The following KALRN variants were observed in gnomAD, a reference collection of about 807,000 sequenced individuals.
KALRN encodes kalirin.
In KALRN, 70 loss-of-function variants were observed where a neutral mutation model predicts 353.7. That is an observed-to-expected ratio of 0.20 (90% confidence interval 0.16 to 0.24). The LOEUF is 0.24. Among genes scored for constraint, KALRN ranks in the 10% least tolerant of loss-of-function variants. The probability of loss-of-function intolerance (pLI) is 1.00; values close to 1 mark genes in which losing one functional copy is unlikely to be tolerated. For synonymous variants in KALRN, 1,391 were observed against 1,434.8 expected, an observed-to-expected ratio of 0.97 and a Z score of 0.69; for missense variants, 2,791 against 3,756.7, an observed-to-expected ratio of 0.74 and a Z score of 6.72.
Position 124,674,541 on chromosome 3 carries a change from G to A in KALRN, c.7120G>A (p.Gly2374Ser). ...CAGCGACCATTCCCCCGCCGCCGAGGGCTGGGTCCCAGGCAGCATCCTGGC... is the reference window on the plus strand; with the variant it reads ...CAGCGACCATTCCCCCGCCGCCGAGAGCTGGGTCCCAGGCAGCATCCTGGC... ...PASDHSPAAE[G>S]WVPGSILAPL... is the part of the protein sequence containing the mutation. The change falls in exon 49 of 60, where the codon GGC becomes AGC. Residue 2374 changes from glycine to serine, a missense_variant. Physicochemically the swap from Gly to Ser is moderately conservative, Grantham distance 56 (BLOSUM62 0). Around this residue, in one of 11 missense-constraint regions of KALRN, gnomAD observed 1,065 missense variants for 1,156.4 expected, o/e 0.92. Transcript: ENST00000682506. 6.2e-7 allele frequency: 1 copy of A among 1,613,620 alleles called. No individual in the cohort carries two copies. Among genetic ancestry groups the A allele is most frequent in the Non-Finnish European group, 8.5e-7 (1 of 1,179,848 alleles).
intron 1 of KALRN, among the ~76,000 whole-genome samples, chr3:124,048,313 G>T (rs1322688292): frequency 6.6e-6 from 1 of 152,056 alleles, no homozygotes; most frequent in African/African-American, 2.4e-5. Context: ...CTTATGTTTA[G>T]ATAAATTCAA....
intron 37 of KALRN, among the ~76,000 whole-genome samples, chr3:124,638,044 A>T (rs1578545536): frequency 6.6e-6 from 1 of 152,176 alleles, no homozygotes; most frequent in South Asian, 2.1e-4. Context: ...TCACCACAGG[A>T]TGACAATTGG....
intron 1 of KALRN, among the ~76,000 whole-genome samples, chr3:124,157,339 C>T (rs945501204): frequency 2.4e-4 from 36 of 152,202 alleles, no homozygotes; most frequent in Non-Finnish European, 1.5e-4. Context: ...GGCTGCTTCT[C>T]ACTTCCAATT....
At chr3:124,451,832 C>A (rs1426436531) in intron 21 of KALRN, among the ~76,000 whole-genome samples, 1 of 152,158 alleles carries the variant, frequency 6.6e-6, no homozygotes, top group Admixed American at 6.5e-5. Context: ...AGTGGAAGAC[C>A]AGAATCTGTA....
chr3:124,624,165 G>A (rs918533255), intron 34 of KALRN, among the ~76,000 whole-genome samples: 1 of 152,190 alleles, frequency 6.6e-6, no homozygotes, highest in Non-Finnish European at 1.5e-5. Context: ...CCTTTGTCCA[G>A]CATCTCCATG....
intron 14 of KALRN, among the ~76,000 whole-genome samples, chr3:124,414,413 G>A (rs554319416): frequency 2.0e-5 from 3 of 152,274 alleles, no homozygotes; most frequent in Admixed American, 6.5e-5. Flanking sequence ...TCCGGTTCCT[G>A]TTTCTCAGTC....
At chr3:124,078,540 C>T (rs1013074875) in intron 1 of KALRN, among the ~76,000 whole-genome samples, 23 of 151,896 alleles carry the variant, frequency 1.5e-4, no homozygotes, top group African/African-American at 5.1e-4. Flanking sequence ...AGGGCAGGTA[C>T]AGGGCTGTGG....
chr3:124,614,557 G>T (rs1241127909), intron 34 of KALRN, among the ~76,000 whole-genome samples: 1 of 131,370 alleles, frequency 7.6e-6, no homozygotes, highest in Admixed American at 7.6e-5. Flanking sequence ...ACTGCACCTG[G>T]CTTTTTTCTT....
Position 124,628,010 on chromosome 3 carries a change from C to T in KALRN, c.5183-4410C>T, listed in dbSNP as rs557479523. The stretch of plus-strand genomic sequence containing the variant: ...TTCCAAGTTATGCACAAAACTCAAG[C>T]AATATCCAAGAAAGTTCCAGCAGGG... On this transcript the variant is annotated intron_variant, in intron 34 of 59. Transcript: ENST00000682506. Among the ~76,000 whole-genome samples the T allele has an allele frequency of 5.3e-5, 8 of 152,262 alleles. No individual in the cohort carries two copies. In the South Asian group the frequency reaches 8.3e-4, roughly 16 times the overall value.
chr3:124,152,065 T>C (rs2068181740), intron 1 of KALRN: 8 of 1,337,708 alleles, frequency 6.0e-6, no homozygotes, highest in Non-Finnish European at 7.4e-6. Context: ...ATGGAGAAGA[T>C]AATTTAAAGG....
intron 20 of KALRN, 111 bp downstream of exon 20, chr3:124,446,387 G>T: frequency 2.8e-6 from 2 of 723,366 alleles, no homozygotes; most frequent in Non-Finnish European, 4.6e-6. Context: ...GATGGGAGTG[G>T]GGAATAAAGA....
chr3:124,716,549 CA>C (rs970412492), intron 58 of KALRN, among the ~76,000 whole-genome samples: 3 of 151,410 alleles, frequency 2.0e-5, no homozygotes, highest in South Asian at 2.1e-4. Context: ...ACAACAACAA[CA>C]AAAAAAAGGT....
At chr3:124,664,370 T>TGC (rs1553719790) in intron 45 of KALRN, among the ~76,000 whole-genome samples, 10,668 of 129,376 alleles carry the variant, frequency 0.082, 505 homozygotes, top group East Asian at 0.1. Context: ...TGTGTGTGTG[T>TGC]GCGCGCGCGC....
chr3:124,264,060 T>C (rs1489719027), intron 3 of KALRN, among the ~76,000 whole-genome samples: 3 of 151,800 alleles, frequency 2.0e-5, no homozygotes, highest in Non-Finnish European at 1.5e-5. Context: ...CTTTGGATTT[T>C]TTTTTTTTTT....
chr3:124,387,560 C>A (rs370384943), intron 11 of KALRN, among the ~76,000 whole-genome samples: 1 of 152,116 alleles, frequency 6.6e-6, no homozygotes, highest in Non-Finnish European at 1.5e-5. Context: ...AAAGGCCATG[C>A]TTTTTTCTCC....
rs182588774 is a variant in KALRN at position 124,699,353 on chromosome 3, A to G, written c.7832-516A>G. ...CTGTAAAGTAAGATTAGCGGTCTCT[A>G]CCTCACTGGGTTTCTGTGGATTTAA... On this transcript the variant is annotated intron_variant, in intron 55 of 59. Coordinates refer to ENST00000682506, the MANE Select transcript of KALRN (RefSeq NM_001388419.1). Among the ~76,000 whole-genome samples the G allele has an allele frequency of 1.1e-4, 16 of 152,246 alleles. 1 individual carries two copies. The highest frequency in any genetic ancestry group is 1.0e-3 in the Admixed American group (16 of 15,300).
At chr3:124,040,199 GA>G (rs2039831368) in intron 1 of KALRN, among the ~76,000 whole-genome samples, 1 of 152,198 alleles carries the variant, frequency 6.6e-6, no homozygotes. Context: ...AATTAGCTGA[GA>G]AGTAAGAAAA....
intron 3 of KALRN, among the ~76,000 whole-genome samples, chr3:124,237,565 G>A (rs1045503439): frequency 6.6e-6 from 1 of 152,070 alleles, no homozygotes; most frequent in African/African-American, 2.4e-5. Context: ...GTTTCACTGT[G>A]TTGGCCAGGC....
chr3:124,201,587 A>G (rs1305451249), intron 1 of KALRN, among the ~76,000 whole-genome samples: 1 of 152,212 alleles, frequency 6.6e-6, no homozygotes, highest in Non-Finnish European at 1.5e-5. Flanking sequence ...GTCAAAAAAC[A>G]TTTATAAAGT....
Sources: allele counts gnomAD v4.1 joint callset (sites outside exome capture counted in the v4.1 genomes callset), GRCh38; gene constraint gnomAD v4.1.1; regional missense constraint gnomAD v4.1.1; transcripts MANE v1.5; gene names NCBI Gene and HGNC (gene_info 2026-07-23, HGNC 2026-07-21).